The following CDK14 variants were observed in gnomAD, a reference collection of about 807,000 sequenced individuals.
CDK14 encodes the protein cyclin dependent kinase 14.
A neutral mutation model predicts 60.7 loss-of-function variants in CDK14; 34 were observed. The ratio of observed to expected loss-of-function variants is 0.56; its 90% CI spans 0.43 to 0.75. CDK14 has a LOEUF of 0.75. Among genes scored for constraint, CDK14 ranks in the 30% least tolerant of loss-of-function variants. CDK14 has a pLI of 0.00. For synonymous variants in CDK14, 197 were observed against 203.7 expected (o/e 0.97, Z 0.28); for missense variants, 482 against 564.1 (o/e 0.85, Z 1.47).
intron 5 of CDK14, among the ~76,000 whole-genome samples, chr7:90,795,677 A>G (rs1018096110): frequency 6.6e-6 from 1 of 152,116 alleles, no homozygotes; most frequent in African/African-American, 2.4e-5. Context: ...TAAAAGTGCT[A>G]CTGAATTTAA....
intron 2 of CDK14, among the ~76,000 whole-genome samples, chr7:90,649,308 CTTT>C (rs1800550940): frequency 1.7e-5 from 1 of 57,340 alleles, no homozygotes; most frequent in Non-Finnish European, 3.1e-5. Context: ...TTCTTTCTTT[CTTT>C]CCTTCCTTCC....
chr7:90,826,082 C>T (rs1789712261), intron 5 of CDK14, among the ~76,000 whole-genome samples: 1 of 152,178 alleles, frequency 6.6e-6, no homozygotes, highest in Non-Finnish European at 1.5e-5. Context: ...TGTAGAATGT[C>T]TATGAGTTCA....
chr7:91,064,566 C>T (rs1304723706), intron 11 of CDK14, among the ~76,000 whole-genome samples: 2 of 152,194 alleles, frequency 1.3e-5, no homozygotes, highest in East Asian at 1.9e-4. Flanking sequence ...CGTGGGTATC[C>T]TAGCTCTTTG....
rs11406790 is a variant in CDK14, at chr7:91,210,340, A to AT, written c.*3213dup. The AT allele has an allele frequency of 0.73, 111,042 of 151,418 alleles. 41,465 individuals carry two copies. The highest frequency in any genetic ancestry group is 0.89 in the African/African-American group (36,631 of 41,180). 9.4% of individuals were successfully genotyped at this position (151,418 alleles called of 1,614,324 possible). The stretch of plus-strand genomic sequence containing the variant: ...TTTTAAAGTTTTCCTTTTATCTTTT[A>AT]TTTTTTTTTGTATGATGCACTGAGA... On this transcript the variant is annotated 3_prime_UTR_variant, in exon 15 of 15. Coordinates refer to ENST00000380050, the MANE Select transcript of CDK14 (RefSeq NM_001287135.2).
intron 14 of CDK14, among the ~76,000 whole-genome samples, chr7:91,149,283 TA>T (rs919631151): frequency 0.017 from 2,434 of 142,754 alleles, 18 homozygotes; most frequent in Middle Eastern, 0.029. Flanking sequence ...GGGAGCTTCA[TA>T]AAAAAAAAAA....
chr7:90,726,517 A>G (rs1802638394), intron 2 of CDK14, 50 bp from the exon 3 acceptor site: 1 of 1,574,868 alleles, frequency 6.3e-7, no homozygotes, highest in Non-Finnish European at 8.7e-7. Context: ...ATGTTTAGTG[A>G]TATTAAAGTT....
At chr7:90,896,461 T>C (rs956834614) in intron 6 of CDK14, among the ~76,000 whole-genome samples, 2 of 152,148 alleles carry the variant, frequency 1.3e-5, no homozygotes, top group African/African-American at 4.8e-5. Flanking sequence ...TAAACTATGA[T>C]TGAATGCCTT....
rs373049172 is a variant in CDK14 at position 90,985,613 on chromosome 7, G to A, written c.1041+1372G>A. 7.9e-4 allele frequency among the ~76,000 whole-genome samples: 120 copies of A among 152,234 alleles called. 2 individuals are homozygous for A. The South Asian group carries it at 0.023, about 30-fold the overall frequency. On this transcript the variant is annotated intron_variant, in intron 10 of 14. Coordinates refer to ENST00000380050, the MANE Select transcript of CDK14 (RefSeq NM_001287135.2). ...TTAAGAATACAATCTGCAGTAGAAC[G>A]TAGCGATACAAACTGAGGCCCCATC...
At chr7:91,071,664 C>G (rs1431812308) in intron 11 of CDK14, among the ~76,000 whole-genome samples, 1 of 152,246 alleles carries the variant, frequency 6.6e-6, no homozygotes, top group African/African-American at 2.4e-5. Context: ...GAGGGCCGGC[C>G]ATCACCACAG....
At chr7:90,889,393 T>G (rs564168069) in intron 6 of CDK14, among the ~76,000 whole-genome samples, 1 of 152,232 alleles carries the variant, frequency 6.6e-6, no homozygotes, top group East Asian at 1.9e-4. Flanking sequence ...CTGGTTTACA[T>G]GATGGGAATG....
intron 10 of CDK14, among the ~76,000 whole-genome samples, chr7:90,994,267 A>G (rs1461849198): frequency 1.3e-5 from 2 of 152,128 alleles, no homozygotes; most frequent in East Asian, 3.8e-4. Context: ...CTTTCTTCAG[A>G]GTCTTAGGGC....
At chr7:90,727,797 T>C (rs940917766) in intron 3 of CDK14, among the ~76,000 whole-genome samples, 11 of 152,162 alleles carry the variant, frequency 7.2e-5, no homozygotes, top group Admixed American at 4.6e-4. Flanking sequence ...ATAGTCCTAA[T>C]TTAATATAGA....
chr7:90,881,971 C>T (rs1326924583), intron 6 of CDK14, among the ~76,000 whole-genome samples: 2 of 152,100 alleles, frequency 1.3e-5, no homozygotes, highest in African/African-American at 4.8e-5. Flanking sequence ...CGGTACCAGC[C>T]AGTGCAAAAA....
chr7:91,170,206 A>G (rs1245433409), intron 14 of CDK14, among the ~76,000 whole-genome samples: 2 of 152,246 alleles, frequency 1.3e-5, no homozygotes, highest in African/African-American at 4.8e-5. Context: ...TATGGAAAGG[A>G]CTGGAGTCCA....
intron 4 of CDK14, among the ~76,000 whole-genome samples, chr7:90,785,370 A>T (rs907807018): frequency 1.3e-5 from 2 of 152,132 alleles, no homozygotes; most frequent in Non-Finnish European, 2.9e-5. Flanking sequence ...TTCTTTGAGA[A>T]TTTTTTTCCA....
At chr7:91,093,668 A>T (rs1798897010) in intron 12 of CDK14, among the ~76,000 whole-genome samples, 1 of 152,216 alleles carries the variant, frequency 6.6e-6, no homozygotes, top group African/African-American at 2.4e-5. Flanking sequence ...CAATTCCATT[A>T]CTGTTTATAT....
Position 90,830,381 on chromosome 7 carries a change from C to T in CDK14, c.545-32794C>T, listed in dbSNP as rs555418709. 8.5e-5 allele frequency among the ~76,000 whole-genome samples: 13 copies of T among 152,304 alleles called. No homozygotes were observed. The South Asian group carries it at 2.7e-3, about 32-fold the overall frequency. On this transcript the variant is annotated intron_variant, in intron 5 of 14. Transcript: ENST00000380050. ...TGGTGCCTTTTAGCCATGGCTGGAG[C>T]TGGAATGGCCAGGATGCAAGGCACC...
chr7:90,664,289 A>G (rs1412680871), intron 2 of CDK14, among the ~76,000 whole-genome samples: 1 of 152,208 alleles, frequency 6.6e-6, no homozygotes, highest in Non-Finnish European at 1.5e-5. Flanking sequence ...TCAGGAAACA[A>G]CAGGTGCTGG....
intron 7 of CDK14, among the ~76,000 whole-genome samples, chr7:90,900,095 A>G (rs142484195): frequency 6.9e-4 from 105 of 152,268 alleles, no homozygotes; most frequent in African/African-American, 2.3e-3. Context: ...AAGAAACCCT[A>G]TTAGTGATAA....
Sources: gnomAD v4.1 joint callset for allele counts (sites outside exome capture counted in the v4.1 genomes callset) on GRCh38, gnomAD v4.1.1 for gene constraint, MANE v1.5 for transcripts, NCBI Gene and HGNC (gene_info 2026-07-23, HGNC 2026-07-21) for gene names.